Variants in SNAPC1 observed in about 807,000 individuals in gnomAD.
SNAPC1 encodes snRNA-activating protein complex subunit 1.
A neutral mutation model predicts 50.1 loss-of-function variants in SNAPC1; 42 were observed. The ratio of observed to expected loss-of-function variants is 0.84; its 90% CI spans 0.65 to 1.08. The LOEUF is 1.08. Ranked by LOEUF, SNAPC1 falls within the 50% of genes least tolerant of loss-of-function variation. The probability of loss-of-function intolerance (pLI) is 0.00; values close to 1 mark genes in which losing one functional copy is unlikely to be tolerated. For synonymous variants in SNAPC1, 164 were observed against 144.2 expected (o/e 1.14, Z -0.98); for missense variants, 477 against 427.3 (o/e 1.12, Z -1.02).
chr14:61,780,685 T>TG (rs2045065333), intron 7 of SNAPC1, among the ~76,000 whole-genome samples: 1 of 152,222 alleles, frequency 6.6e-6, no homozygotes, highest in Non-Finnish European at 1.5e-5. Context: ...TGTAGTTTAA[T>TG]TAGGTCTCAC....
At position 61,776,271 on chromosome 14, in the gene SNAPC1, T is replaced by C; in HGVS notation, c.693+18T>C. 2 of 1,601,890 alleles carry C rather than the reference T, an allele frequency of 1.2e-6. No homozygotes were observed. The highest frequency in any genetic ancestry group is 8.5e-7 in the Non-Finnish European group (1 of 1,171,402). On this transcript the variant is annotated intron_variant, in intron 5 of 9. Transcript: ENST00000216294. ...ACAGAAAGGTATGCAATCACTTGTT[T>C]GGTGCCTCACCATTGTATTTTACAC...
At chr14:61,789,325 T>A (rs1339473152) in intron 8 of SNAPC1, among the ~76,000 whole-genome samples, 1 of 152,076 alleles carries the variant, frequency 6.6e-6, no homozygotes. Context: ...ATCTATACAT[T>A]TCATAGTGAA....
At chr14:61,792,316 G>C (rs1480447269) in intron 8 of SNAPC1, among the ~76,000 whole-genome samples, 4 of 152,152 alleles carry the variant, frequency 2.6e-5, no homozygotes, top group Non-Finnish European at 5.9e-5. Flanking sequence ...AGAACCTCTA[G>C]TGTTTTTGAA....
Position 61,782,415 on chromosome 14 carries a change from T to C in SNAPC1, c.976+18T>C, listed in dbSNP as rs1241696309. 6.3e-7 allele frequency: 1 copy of C among 1,589,574 alleles called. No individual in the cohort carries two copies. The highest frequency in any genetic ancestry group is 1.8e-5 in the Admixed American group (1 of 54,860). ...AAACAAAGGTAACTTTTTAAAGTCT[T>C]ACTAAGATTCAACAAAGGAGAATGG... On this transcript the variant is annotated intron_variant, in intron 8 of 9. Coordinates refer to ENST00000216294, the MANE Select transcript of SNAPC1 (RefSeq NM_003082.4).
intron 4 of SNAPC1, among the ~76,000 whole-genome samples, chr14:61,774,389 A>G (rs1289565865): frequency 6.6e-6 from 1 of 152,112 alleles, no homozygotes; most frequent in Non-Finnish European, 1.5e-5. Flanking sequence ...GGGTTTGTTC[A>G]TTTTGTACAA....
chr14:61,768,697 C>G lies in SNAPC1; in HGVS notation c.491C>G (p.Pro164Arg). Residue 164 changes from proline to arginine, a missense_variant, in exon 4 of 10, where the codon CCA becomes CGA. By Grantham distance (103) the Pro-to-Arg change is moderately radical. Coordinates refer to ENST00000216294, the MANE Select transcript of SNAPC1 (RefSeq NM_003082.4). The part of the protein sequence containing the change: ...RAEVTEEFKD[P>R]SDRVMKLITS... ...GAAGTTACAGAAGAATTTAAGGACCCAAGTGATCGTGTGATGAAACTTATC... is the reference window on the plus strand; with the variant it reads ...GAAGTTACAGAAGAATTTAAGGACCGAAGTGATCGTGTGATGAAACTTATC... The G allele has an allele frequency of 2.5e-6, 4 of 1,612,032 alleles. No homozygotes were observed. Among genetic ancestry groups the G allele is most frequent in the African/African-American group, 1.3e-5 (1 of 74,982 alleles).
chr14:61,792,310 C>A (rs144986416), intron 8 of SNAPC1, among the ~76,000 whole-genome samples: 2 of 152,084 alleles, frequency 1.3e-5, no homozygotes, highest in Non-Finnish European at 2.9e-5. Context: ...ATGTAGAGAA[C>A]CTCTAGTGTT....
At chr14:61,768,476 A>G (rs2044964877) in intron 3 of SNAPC1, among the ~76,000 whole-genome samples, 160 bp from the exon 4 acceptor site, 1 of 152,234 alleles carries the variant, frequency 6.6e-6, no homozygotes, top group African/African-American at 2.4e-5. Flanking sequence ...CAAGTCTAAC[A>G]GTCTTTGGAA....
At chr14:61,772,146 G>T (rs969258200) in intron 4 of SNAPC1, among the ~76,000 whole-genome samples, 1 of 152,082 alleles carries the variant, frequency 6.6e-6, no homozygotes, top group Non-Finnish European at 1.5e-5. Flanking sequence ...ACCGTGGCTG[G>T]AGCGCAGTAG....
intron 4 of SNAPC1, among the ~76,000 whole-genome samples, chr14:61,774,466 A>T (rs1464259236): frequency 6.6e-6 from 1 of 152,192 alleles, no homozygotes; most frequent in African/African-American, 2.4e-5. Flanking sequence ...AGCAAATGAC[A>T]GAGCTCAGAC....
intron 9 of SNAPC1, among the ~76,000 whole-genome samples, chr14:61,794,635 C>T (rs963575246): frequency 1.8e-4 from 27 of 152,084 alleles, no homozygotes; most frequent in African/African-American, 6.3e-4. Context: ...GTCTCGATCC[C>T]CTGACCTCAT....
Position 61,786,472 on chromosome 14 carries a change from A to G in SNAPC1, c.976+4075A>G, listed in dbSNP as rs547924630. Among the ~76,000 whole-genome samples the G allele has an allele frequency of 2.4e-3, 365 of 152,344 alleles. 1 individual carries two copies. The highest frequency in any genetic ancestry group is 0.01 in the Middle Eastern group (3 of 294). On this transcript the variant is annotated intron_variant, in intron 8 of 9. Transcript: ENST00000216294. ...ACTCAATAAATATACAGCCCACCCA[A>G]TGAAGAAATGGCTAAAACATTTCAC...
intron 8 of SNAPC1, among the ~76,000 whole-genome samples, chr14:61,788,202 A>G (rs903725566): frequency 6.6e-6 from 1 of 152,226 alleles, no homozygotes; most frequent in African/African-American, 2.4e-5. Context: ...AGAATAAAGT[A>G]TTATAAAATG....
At chr14:61,776,893 A>G (rs1319428010) in intron 5 of SNAPC1, among the ~76,000 whole-genome samples, 13 of 152,248 alleles carry the variant, frequency 8.5e-5, no homozygotes, top group Admixed American at 8.5e-4. Flanking sequence ...TATTGATGCT[A>G]GAGCTACCCA....
At chr14:61,770,451 C>A (rs1274606744) in intron 4 of SNAPC1, among the ~76,000 whole-genome samples, 1 of 151,934 alleles carries the variant, frequency 6.6e-6, no homozygotes, top group East Asian at 1.9e-4. Context: ...ACTGTGTTGA[C>A]CAGGTTGGTC....
chr14:61,774,591 T>C (rs1227256241), intron 4 of SNAPC1, among the ~76,000 whole-genome samples: 3 of 150,268 alleles, frequency 2.0e-5, no homozygotes, highest in Middle Eastern at 3.2e-3. Context: ...GACACTGTTC[T>C]CCCATTGCAG....
chr14:61,787,743 A>G (rs547562685), intron 8 of SNAPC1, among the ~76,000 whole-genome samples: 1 of 152,248 alleles, frequency 6.6e-6, no homozygotes, highest in African/African-American at 2.4e-5. Flanking sequence ...TTGTCTACCT[A>G]TTAAGCTAGA....
At chr14:61,791,493 C>T (rs1040750068) in intron 8 of SNAPC1, among the ~76,000 whole-genome samples, 5 of 152,004 alleles carry the variant, frequency 3.3e-5, no homozygotes, top group African/African-American at 7.3e-5. Context: ...TAATTTTCTC[C>T]TGACAAGTCA....
rs535691427 is a variant in SNAPC1 at position 61,794,440 on chromosome 14, C to T, written c.1073-509C>T. ...GTTTGTTTTGAGATGGAGTCTCGCT[C>T]TGTCGTCCAGGCTGGAGTGCAGTGG... On this transcript the variant is annotated intron_variant, in intron 9 of 9. Coordinates refer to ENST00000216294, the MANE Select transcript of SNAPC1 (RefSeq NM_003082.4). 4.3e-3 allele frequency among the ~76,000 whole-genome samples: 657 copies of T among 152,194 alleles called. 1 individual carries two copies. Among genetic ancestry groups the T allele is most frequent in the Non-Finnish European group, 6.6e-3 (452 of 68,010 alleles).
Sources: gnomAD v4.1 joint callset for allele counts (sites outside exome capture counted in the v4.1 genomes callset) on GRCh38, gnomAD v4.1.1 for gene constraint, MANE v1.5 for transcripts, NCBI Gene and HGNC (gene_info 2026-07-23, HGNC 2026-07-21) for gene names.